WLS: variants seen among roughly 807,000 people sequenced by gnomAD.
The protein encoded by WLS is Wnt ligand secretion mediator, also known as protein wntless homolog.
A neutral mutation model predicts 62.8 loss-of-function variants in WLS; 23 were observed. That is an observed-to-expected ratio of 0.37 (90% CI 0.26 to 0.52). The LOEUF (loss-of-function observed/expected upper bound fraction) is 0.52, where lower values mean the gene tolerates loss of function less well. Ranked by LOEUF, WLS falls within the 20% of genes least tolerant of loss-of-function variation. The pLI, the probability that WLS is intolerant of heterozygous loss-of-function variation, is 0.92. For synonymous variants in WLS, 246 were observed against 244.1 expected (o/e 1.01, Z -0.07); for missense variants, 615 against 697.3 (o/e 0.88, Z 1.33).
At chr1:68,163,837 A>T (rs991898819) in intron 2 of WLS, among the ~76,000 whole-genome samples, 1 of 152,190 alleles carries the variant, frequency 6.6e-6, no homozygotes, top group Non-Finnish European at 1.5e-5. Flanking sequence ...AAAGCACTGC[A>T]TGCTGCCTCA....
chr1:68,181,598 G>C lies in WLS; in HGVS notation c.379+12357C>G, dbSNP rs1399761480. On this transcript the variant is annotated intron_variant, in intron 2 of 11. Transcript: ENST00000262348. ...CTGTGCAAGGATCTTAGAGTCCGCT[G>C]TTTGGTAGAAGGCTGACTCACCTGT... 6.6e-5 allele frequency among the ~76,000 whole-genome samples: 10 copies of C among 152,214 alleles called. 1 individual carries two copies. Among genetic ancestry groups the C allele is most frequent in the Admixed American group, 6.5e-4 (10 of 15,284 alleles).
At chr1:68,163,155 C>T (rs1647007742) in intron 2 of WLS, 3 of 1,045,130 alleles carry the variant, frequency 2.9e-6, no homozygotes, top group Non-Finnish European at 4.3e-6. Flanking sequence ...CTTAGGGGAA[C>T]TCGCAGGAGT....
downstream of WLS, among the ~76,000 whole-genome samples, chr1:68,123,976 C>G (rs1646394010): frequency 1.0e-5 from 1 of 99,518 alleles, no homozygotes; most frequent in South Asian, 3.6e-4. Context: ...AGAGTTGGCT[C>G]CTACTTAGAA....
chr1:68,124,196 T>C (rs1442753620), downstream of WLS, among the ~76,000 whole-genome samples: 2 of 152,190 alleles, frequency 1.3e-5, no homozygotes, highest in African/African-American at 4.8e-5. Flanking sequence ...CTGGTTCCAG[T>C]CTCTGTGATC....
chr1:68,177,786 G>A (rs750011769), intron 2 of WLS, among the ~76,000 whole-genome samples: 7 of 152,134 alleles, frequency 4.6e-5, no homozygotes, highest in African/African-American at 9.7e-5. Flanking sequence ...GAGCCACTGC[G>A]CCCAGCCAAC....
intron 2 of WLS, among the ~76,000 whole-genome samples, chr1:68,174,775 A>G (rs1286589109): frequency 6.6e-6 from 1 of 152,112 alleles, no homozygotes; most frequent in African/African-American, 2.4e-5. Context: ...CCCGAATGCC[A>G]TCTCCTCCCT....
At chr1:68,187,189 C>CAAAAAAAAAAAAAAAAAAAAAAA (rs34130992) in intron 2 of WLS, among the ~76,000 whole-genome samples, 1,180 of 56,980 alleles carry the variant, frequency 0.021, 103 homozygotes, top group East Asian at 0.025. Context: ...ACTCCATCTC[C>CAAAAAAAAAAAAAAAAAAAAAAA]AAAAAAAAAA....
intron 1 of WLS, chr1:68,228,389 C>A (rs1448535467): frequency 1.4e-5 from 4 of 289,372 alleles, no homozygotes; most frequent in Non-Finnish European, 2.7e-5. Flanking sequence ...TGAAGCTGAG[C>A]AAATTGCACA....
intron 11 of WLS, among the ~76,000 whole-genome samples, chr1:68,133,044 GGCAGCAGCAGCAACAGCAACA>G (rs983171205): frequency 2.2e-4 from 4 of 18,186 alleles, no homozygotes; most frequent in Non-Finnish European, 4.2e-4. Context: ...GTCATGAAAA[GGCAGCAGCAGCAACAGCAACA>G]GCAGCAGCAG....
intron 11 of WLS, among the ~76,000 whole-genome samples, chr1:68,100,293 G>C (rs1646060375): frequency 1.3e-5 from 2 of 152,142 alleles, no homozygotes; most frequent in African/African-American, 2.4e-5. Flanking sequence ...TCTCGGCCTG[G>C]AGCTGGCCTG....
At chr1:68,171,844 C>T (rs1173708760) in intron 2 of WLS, among the ~76,000 whole-genome samples, 3 of 152,198 alleles carry the variant, frequency 2.0e-5, no homozygotes, top group Non-Finnish European at 4.4e-5. Flanking sequence ...AATCATTCTA[C>T]TATAAAGACA....
At chr1:68,150,443 T>C (rs1036118774) in intron 5 of WLS, 87 bp from the exon 6 acceptor site, 2 of 1,544,800 alleles carry the variant, frequency 1.3e-6, no homozygotes, top group East Asian at 2.3e-5. Context: ...TTTTGAGACA[T>C]GAGATGTTAC....
At chr1:68,162,944 G>A (rs2100512881) in intron 2 of WLS, 3 of 1,585,132 alleles carry the variant, frequency 1.9e-6, no homozygotes, top group Non-Finnish European at 1.7e-6. Context: ...CTTTCAGGAT[G>A]GGCATCTCCA....
chr1:68,146,880 G>C (rs1646759127), intron 8 of WLS, among the ~76,000 whole-genome samples: 1 of 151,710 alleles, frequency 6.6e-6, no homozygotes. Context: ...CTACAACTTT[G>C]CCCAAATTGC....
In WLS at chr1:68,130,893, T is replaced by C. The variant is rs1438402621; in HGVS notation, c.1517-4558A>G. Among the ~76,000 whole-genome samples, 6 of 144,050 alleles carry C rather than the reference T, an allele frequency of 4.2e-5. No individual in the cohort carries two copies. In the South Asian group the frequency reaches 9.0e-4, roughly 22 times the overall value. The allele number at this position is 144,050 out of a possible 152,430, so 94.5% of individuals were successfully genotyped here. A position where few individuals can be genotyped will look rare whatever the true frequency, so the allele number is the denominator to read the frequency against. On this transcript the variant is annotated intron_variant, in intron 11 of 11. Coordinates refer to ENST00000262348, the MANE Select transcript of WLS (RefSeq NM_024911.7). ...GTGAATGGTAGGTTTCTTCTTCTTTTTTTTTTTTTTTTTTTTTTTAGATGG... is the reference window on the plus strand; with the variant it reads ...GTGAATGGTAGGTTTCTTCTTCTTTCTTTTTTTTTTTTTTTTTTTAGATGG...
chr1:68,182,572 C>A (rs1234900352), intron 2 of WLS, among the ~76,000 whole-genome samples: 1 of 152,178 alleles, frequency 6.6e-6, no homozygotes, highest in East Asian at 1.9e-4. Flanking sequence ...CTGGTAACTT[C>A]CAGGTTCCAG....
At chr1:68,221,845 T>C (rs922961614) in intron 1 of WLS, among the ~76,000 whole-genome samples, 1 of 152,154 alleles carries the variant, frequency 6.6e-6, no homozygotes. Flanking sequence ...AGTATAATAC[T>C]TGCACCACTC....
chr1:68,159,047 A>G (rs1319854430), intron 3 of WLS, 76 bp downstream of exon 3: 9 of 1,588,160 alleles, frequency 5.7e-6, no homozygotes, highest in Non-Finnish European at 7.7e-6. Flanking sequence ...GGACACACCT[A>G]TGAAAAGTAA....
At chr1:68,125,171 G>A (rs935690881), downstream of WLS, among the ~76,000 whole-genome samples, 1 of 152,202 alleles carries the variant, frequency 6.6e-6, no homozygotes, top group Admixed American at 6.5e-5. Context: ...TCACGCATAT[G>A]AGCATCCCTT....
Sources: allele counts gnomAD v4.1 joint callset (sites outside exome capture counted in the v4.1 genomes callset), GRCh38; gene constraint gnomAD v4.1.1; transcripts MANE v1.5; gene names NCBI Gene and HGNC (gene_info 2026-07-23, HGNC 2026-07-21).